ZFHX2: variants seen among roughly 807,000 people sequenced by gnomAD.
ZFHX2 encodes zinc finger homeobox 2, also known as zinc finger homeobox protein 2.
In ZFHX2, 75 loss-of-function variants were observed where a neutral mutation model predicts 164.8. The ratio of observed to expected loss-of-function variants is 0.46; its 90% CI spans 0.38 to 0.55. ZFHX2 has a LOEUF of 0.55. Ranked by LOEUF, ZFHX2 falls within the 20% of genes least tolerant of loss-of-function variation. ZFHX2 has a pLI of 0.00. For missense variants in ZFHX2, 2,933 were observed against 3,308.0 expected (o/e 0.89, Z 2.78); for synonymous variants, 1,217 against 1,351.4 (o/e 0.90, Z 2.18).
At position 23,523,694 on chromosome 14, in the gene ZFHX2, C is replaced by T. The variant is rs954217620; in HGVS notation, c.6248G>A (p.Cys2083Tyr). ...SSLQLKIMKACYEAYRTPTMQ... is the reference protein window; with the variant it reads ...SSLQLKIMKAYYEAYRTPTMQ... ...GGTGGGGGTGCGGTAAGCTTCATAGCAGGCTTTCATGATCTTCAGCTGCAG... is the reference window on the plus strand; with the variant it reads ...GGTGGGGGTGCGGTAAGCTTCATAGTAGGCTTTCATGATCTTCAGCTGCAG... The change falls in exon 9 of 10, where the codon TGC (cysteine) becomes TAC (tyrosine). Residue 2083 changes from cysteine to tyrosine, a missense_variant. Physicochemically the swap from Cys to Tyr is radical, Grantham distance 194. Transcript: ENST00000419474. This position sits in a 1 kb window ranked among gnomAD's most constrained non-coding sequence, Gnocchi z 4.1. 1 of 1,537,288 alleles carries T rather than the reference C, an allele frequency of 6.5e-7. No individual in the cohort carries two copies. The highest frequency in any genetic ancestry group is 8.7e-7 in the Non-Finnish European group (1 of 1,147,372).
chr14:23,531,419 T>C, intron 4 of ZFHX2, 62 bp downstream of exon 4: 1 of 1,346,924 alleles, frequency 7.4e-7, no homozygotes. Context: ...GCAGCCCCCC[T>C]GCTCCCCACA....
Position 23,523,406 on chromosome 14 carries a change from C to G in ZFHX2, c.6536G>C (p.Arg2179Pro), listed in dbSNP as rs267603956. Residue 2179 changes from arginine to proline, a missense_variant, in exon 9 of 10, where the codon CGA becomes CCA. Physicochemically the swap from Arg to Pro is moderately radical, Grantham distance 103 (BLOSUM62 -2). Transcript: ENST00000419474. The surrounding 1 kb of genome is among the most constrained non-coding windows in gnomAD (Gnocchi z 4.1). ...QHLAKLKEAV[R>P]AQLKSESKCY... is the part of the protein sequence containing the mutation. ...CTTGCTTTCACTCTTCAGCTGGGCTCGAACCGCCTCCTTGAGCTTGGCCAG... is the reference window on the plus strand; with the variant it reads ...CTTGCTTTCACTCTTCAGCTGGGCTGGAACCGCCTCCTTGAGCTTGGCCAG... The G allele has an allele frequency of 7.2e-6, 11 of 1,522,672 alleles. No individual in the cohort carries two copies. In the African/African-American group the frequency reaches 1.4e-4, roughly 19 times the overall value. 94.3% of individuals were successfully genotyped at this position (1,522,672 alleles called of 1,614,324 possible). A position where few individuals can be genotyped will look rare whatever the true frequency, so the allele number is the denominator to read the frequency against.
chr14:23,550,904 C>T (rs1163022671), intron 1 of ZFHX2, among the ~76,000 whole-genome samples: 2 of 151,998 alleles, frequency 1.3e-5, no homozygotes, highest in Non-Finnish European at 2.9e-5. Flanking sequence ...GGCGGGGGGC[C>T]GCCGAGACCC....
In ZFHX2 at chr14:23,526,042, T is replaced by C; in HGVS notation, c.3900A>G (p.Thr1300=). ...TCTTCTCAGTGCCCACCTCCCCCTC[T>C]GTCTCGCCTTCCTTGGGCTCTTCTT... ...RSQEEPKEGE[T]EGEVGTEKKG... is the part of the protein sequence containing the mutation. Residue 1300 remains threonine, a synonymous_variant, in exon 9 of 10, where the codon ACA becomes ACG. Coordinates refer to ENST00000419474, the MANE Select transcript of ZFHX2 (RefSeq NM_033400.3). 5 of 1,536,490 alleles carry C rather than the reference T, an allele frequency of 3.3e-6. No individual in the cohort carries two copies. The highest frequency in any genetic ancestry group is 4.4e-6 in the Non-Finnish European group (5 of 1,146,950).
In ZFHX2 at chr14:23,534,746, C is replaced by T. The variant is rs1488478820; in HGVS notation, c.580G>A (p.Ala194Thr). Residue 194 changes from alanine (A) to threonine (T), a missense_variant, in exon 2 of 10, where the codon GCA becomes ACA. Transcript: ENST00000419474. This position sits in a 1 kb window ranked among gnomAD's most constrained non-coding sequence, Gnocchi z 4.5. ...SDQILSHDTS[A>T]PSPAACEERH... ...TCCTCACAGGCAGCCGGAGATGGTG[C>T]TGAGGTATCATGGGACAGAATTTGG... The T allele has an allele frequency of 3.3e-6, 5 of 1,536,034 alleles. No individual in the cohort carries two copies. The highest frequency in any genetic ancestry group is 4.4e-6 in the Non-Finnish European group (5 of 1,146,926).
At chr14:23,549,332 A>G (rs901879396) in intron 1 of ZFHX2, among the ~76,000 whole-genome samples, 2 of 151,660 alleles carry the variant, frequency 1.3e-5, no homozygotes, top group African/African-American at 4.9e-5. Context: ...TCTTTCTTTA[A>G]TTCTGTTCAC....
rs779015883 is a variant in ZFHX2 at position 23,530,168 on chromosome 14, C to T, written c.2827G>A (p.Glu943Lys). 1 of 1,535,776 alleles carries T rather than the reference C, an allele frequency of 6.5e-7. No individual in the cohort carries two copies. The highest frequency in any genetic ancestry group is 1.2e-5 in the South Asian group (1 of 84,032). The change falls in exon 5 of 10, where the codon GAG (glutamate) becomes AAG (lysine). Residue 943 changes from glutamate to lysine, a missense_variant. By Grantham distance (56) the Glu-to-Lys change is moderately conservative (BLOSUM62 1). Coordinates refer to ENST00000419474, the MANE Select transcript of ZFHX2 (RefSeq NM_033400.3). ...PGKAPVTPLAEPPTPEKDAQN... is the reference protein window; with the variant it reads ...PGKAPVTPLAKPPTPEKDAQN... ...GCATCTTTCTCAGGGGTGGGTGGCT[C>T]AGCTAAGGGGGTGACAGGAGCCTTC...
At chr14:23,537,735 C>G (rs538035339) in intron 1 of ZFHX2, among the ~76,000 whole-genome samples, 9 of 152,134 alleles carry the variant, frequency 5.9e-5, no homozygotes, top group Middle Eastern at 3.2e-3. Flanking sequence ...CAGAAGCCCT[C>G]AAGTTGAGGG....
chr14:23,525,549 G>A lies in ZFHX2; in HGVS notation c.4393C>T (p.Pro1465Ser). 4 of 1,535,442 alleles carry A rather than the reference G, an allele frequency of 2.6e-6. No individual in the cohort carries two copies. The highest frequency in any genetic ancestry group is 2.6e-6 in the Non-Finnish European group (3 of 1,146,910). Residue 1465 changes from proline (P) to serine (S), a missense_variant, in exon 9 of 10, where the codon CCC becomes TCC. Pro to Ser is a moderately conservative substitution (Grantham distance 74). Transcript: ENST00000419474. The surrounding 1 kb of genome is among the most constrained non-coding windows in gnomAD (Gnocchi z 5.9). ...GCCTCAGGTGGGGGTGGGGTAGGGG[G>A]AGGGGGCACAGCTTGCTTCCCTTCA... ...YNEGKQAVPP[P>S]PTPPPPEALG...
At position 23,530,123 on chromosome 14, in the gene ZFHX2, A is replaced by G. The variant is rs748298569; in HGVS notation, c.2872T>C (p.Leu958=). 2.6e-6 allele frequency: 4 copies of G among 1,535,706 alleles called. No individual in the cohort carries two copies. The highest frequency in any genetic ancestry group is 2.0e-5 in the Admixed American group (1 of 50,932). Residue 958 remains leucine, a synonymous_variant, in exon 5 of 10, where the codon TTG becomes CTG. Coordinates refer to ENST00000419474, the MANE Select transcript of ZFHX2 (RefSeq NM_033400.3). ...GGGGAAGGGAGGGAAAACTCACCCAATTGTTCTGTCTTGTTCTGGGCATCT... is the reference window on the plus strand; with the variant it reads ...GGGGAAGGGAGGGAAAACTCACCCAGTTGTTCTGTCTTGTTCTGGGCATCT... ...EKDAQNKTEQ[L]ASEETENKTG... is the part of the protein sequence containing the mutation.
chr14:23,538,441 C>T (rs1444566593), intron 1 of ZFHX2, among the ~76,000 whole-genome samples: 1 of 151,884 alleles, frequency 6.6e-6, no homozygotes, highest in Non-Finnish European at 1.5e-5. Flanking sequence ...TTTCACTCCT[C>T]CATCTTTCCT....
At position 23,521,388 on chromosome 14, in the gene ZFHX2, G is replaced by C. The variant is rs1429248446; in HGVS notation, c.*574C>G. On this transcript the variant is annotated 3_prime_UTR_variant, in exon 10 of 10. Coordinates refer to ENST00000419474, the MANE Select transcript of ZFHX2 (RefSeq NM_033400.3). Reference sequence around the variant, plus strand: ...GGAGCCAACTGAGCATTTGGAAAGAGTTTGTGAGCGGTGTGGTGCTCTAGA... The same window carrying C: ...GGAGCCAACTGAGCATTTGGAAAGACTTTGTGAGCGGTGTGGTGCTCTAGA... 2.0e-5 allele frequency: 3 copies of C among 152,458 alleles called. No individual in the cohort carries two copies. Among genetic ancestry groups the C allele is most frequent in the Admixed American group, 6.5e-5 (1 of 15,304 alleles). The allele number at this position is 152,458 out of a possible 1,614,324, so 9.4% of individuals were successfully genotyped here. A position where few individuals can be genotyped will look rare whatever the true frequency, so the allele number is the denominator to read the frequency against.
At position 23,524,722 on chromosome 14, in the gene ZFHX2, A is replaced by G. The variant is rs1878482464; in HGVS notation, c.5220T>C (p.Asp1740=). 2 of 1,536,134 alleles carry G rather than the reference A, an allele frequency of 1.3e-6. No homozygotes were observed. The highest frequency in any genetic ancestry group is 1.7e-6 in the Non-Finnish European group (2 of 1,146,926). The change falls in exon 9 of 10, where the codon GAT becomes GAC. Residue 1740 remains aspartate, a synonymous_variant. Coordinates refer to ENST00000419474, the MANE Select transcript of ZFHX2 (RefSeq NM_033400.3). The surrounding 1 kb of genome is among the most constrained non-coding windows in gnomAD (Gnocchi z 5.6). ...CCTCTGCTTGGCTCAGCTCCTCCCC[A>G]TCTGGAGGCTCTGGTAATGGGCCCT... ...GPEGPLPEPP[D]GEELSQAEAT...
At position 23,521,033 on chromosome 14, in the gene ZFHX2, C is replaced by T. The variant is rs1419343436; in HGVS notation, c.*929G>A. 1 of 151,972 alleles carries T rather than the reference C, an allele frequency of 6.6e-6. No individual in the cohort carries two copies. The highest frequency in any genetic ancestry group is 2.4e-5 in the African/African-American group (1 of 41,340). 9.4% of individuals were successfully genotyped at this position (151,972 alleles called of 1,614,324 possible). A position where few individuals can be genotyped will look rare whatever the true frequency, so the allele number is the denominator to read the frequency against. On this transcript the variant is annotated 3_prime_UTR_variant, in exon 10 of 10. Coordinates refer to ENST00000419474, the MANE Select transcript of ZFHX2 (RefSeq NM_033400.3). ...TTTTTTGAAAGAACTTTGGATTTGC[C>T]GTTGGTGGGCAGTGCCTGTCCCTGG... is the stretch of plus-strand genomic sequence containing the variant.
intron 6 of ZFHX2, chr14:23,528,889 G>A (rs1350437925): frequency 1.1e-6 from 1 of 949,414 alleles, no homozygotes; most frequent in Non-Finnish European, 1.3e-6. Context: ...GCACAGGCCT[G>A]TGTGTCAGGG....
chr14:23,522,514 A>G lies in ZFHX2; in HGVS notation c.7167T>C (p.Pro2389=). 1 of 1,531,420 alleles carries G rather than the reference A, an allele frequency of 6.5e-7. No homozygotes were observed. Among genetic ancestry groups the G allele is most frequent in the Non-Finnish European group, 8.7e-7 (1 of 1,143,748 alleles). The allele number at this position is 1,531,420 out of a possible 1,614,324, so 94.9% of individuals were successfully genotyped here. The change falls in exon 10 of 10, where the codon CCT becomes CCC. Residue 2389 remains proline, a synonymous_variant. Coordinates refer to ENST00000419474, the MANE Select transcript of ZFHX2 (RefSeq NM_033400.3). The part of the protein sequence containing the change: ...KGLFPMNPMI[P]QTLIGLLPNA... ...TGGGGAGCAGCCCAATGAGGGTCTG[A>G]GGTATCATGGGGTTCATGGGAAATA...
In ZFHX2 at chr14:23,534,393, T is replaced by C; in HGVS notation, c.933A>G (p.Thr311=). The C allele has an allele frequency of 7.2e-6, 11 of 1,536,874 alleles. No individual in the cohort carries two copies. The highest frequency in any genetic ancestry group is 9.6e-6 in the Non-Finnish European group (11 of 1,147,044). ...GGGCCACATTCGCCTCCATGTTCAC[T>C]GTGCTGCTGTTGTCAAGGGGTATGT... is the stretch of plus-strand genomic sequence containing the variant. ...SSDIPLDNSS[T]VNMEANVAQT... Residue 311 remains threonine (T), a synonymous_variant, in exon 2 of 10, where the codon ACA becomes ACG. Coordinates refer to ENST00000419474, the MANE Select transcript of ZFHX2 (RefSeq NM_033400.3). The surrounding 1 kb of genome is among the most constrained non-coding windows in gnomAD (Gnocchi z 4.5).
upstream of ZFHX2, among the ~76,000 whole-genome samples, chr14:23,553,838 G>A (rs540226685): frequency 2.9e-4 from 44 of 152,262 alleles, no homozygotes; most frequent in South Asian, 8.3e-3. Context: ...AGCTTGCAGT[G>A]AGCCGAGATG....
At position 23,521,412 on chromosome 14, in the gene ZFHX2, G is replaced by C. The variant is rs559083300; in HGVS notation, c.*550C>G. 6.5e-6 allele frequency: 1 copy of C among 153,250 alleles called. No homozygotes were observed. Among genetic ancestry groups the C allele is most frequent in the South Asian group, 2.0e-4 (1 of 4,882 alleles). The allele number at this position is 153,250 out of a possible 1,614,324, so 9.5% of individuals were successfully genotyped here. On this transcript the variant is annotated 3_prime_UTR_variant, in exon 10 of 10. Transcript: ENST00000419474. ...AGTTTGTGAGCGGTGTGGTGCTCTA[G>C]ACAAAGGGTTAGGAAGGAGAAGAGA...
Sources: gnomAD v4.1 joint callset for allele counts (sites outside exome capture counted in the v4.1 genomes callset) on GRCh38, gnomAD v4.1.1 for gene constraint, Gnocchi (gnomAD v3.1) non-coding constraint, MANE v1.5 for transcripts, NCBI Gene and HGNC (gene_info 2026-07-23, HGNC 2026-07-21) for gene names.